The following PCLO variants were observed in gnomAD, a reference collection of about 807,000 sequenced individuals.
The protein encoded by PCLO is piccolo presynaptic cytomatrix protein, also known as protein piccolo.
PCLO carries 82 observed loss-of-function variants against 427.5 expected under a neutral mutation model. The observed-to-expected ratio is 0.19, with a 90% CI of 0.16 to 0.23. PCLO has a LOEUF of 0.23. Ranked by LOEUF, PCLO falls within the 10% of genes least tolerant of loss-of-function variation. The pLI, the probability that PCLO is intolerant of heterozygous loss-of-function variation, is 1.00. For synonymous variants in PCLO, 2,357 were observed against 2,155.4 expected (o/e 1.09, Z -2.59); for missense variants, 6,239 against 6,115.9 (o/e 1.02, Z -0.67).
chr7:82,823,229 T>C (rs1281532210), intron 19 of PCLO, among the ~76,000 whole-genome samples: 2 of 152,280 alleles, frequency 1.3e-5, no homozygotes, highest in East Asian at 1.9e-4. Context: ...AACCCATAAA[T>C]GATCTATAAA....
intron 6 of PCLO, among the ~76,000 whole-genome samples, chr7:82,932,592 G>C (rs933017988): frequency 3.3e-5 from 5 of 152,204 alleles, no homozygotes; most frequent in African/African-American, 4.8e-5. Flanking sequence ...ACATGAAGGA[G>C]AAGTAATAAT....
intron 3 of PCLO, among the ~76,000 whole-genome samples, chr7:82,980,257 C>T: frequency 6.6e-6 from 1 of 152,120 alleles, no homozygotes; most frequent in East Asian, 1.9e-4. Flanking sequence ...AGAGGAAAGT[C>T]TTGACAGAAA....
At chr7:83,080,994 A>C (rs1583996031) in intron 3 of PCLO, among the ~76,000 whole-genome samples, 1 of 152,016 alleles carries the variant, frequency 6.6e-6, no homozygotes, top group East Asian at 1.9e-4. Flanking sequence ...TGTCTCTCAA[A>C]ATATTGTATT....
At chr7:83,050,358 T>G (rs1420231707) in intron 3 of PCLO, among the ~76,000 whole-genome samples, 1 of 151,058 alleles carries the variant, frequency 6.6e-6, no homozygotes, top group Non-Finnish European at 1.5e-5. Flanking sequence ...CTCAGCAATG[T>G]AAGTTATTAG....
rs761705265 is a variant in PCLO at position 82,909,047 on chromosome 7, C to T, written c.13301-34G>A. 4.7e-5 allele frequency: 76 copies of T among 1,607,254 alleles called. 1 individual carries two copies. The highest frequency in any genetic ancestry group is 9.4e-5 in the African/African-American group (7 of 74,748). On this transcript the variant is annotated intron_variant, in intron 7 of 24. Transcript: ENST00000333891. ...ACCAAGGAAACATCATACATTGCAA[C>T]GGCAAGTAATACAGATGATTGAGGG... is the stretch of plus-strand genomic sequence containing the variant.
intron 3 of PCLO, among the ~76,000 whole-genome samples, chr7:83,093,841 ATTTG>A (rs1425058088): frequency 7.0e-4 from 79 of 112,620 alleles, no homozygotes; most frequent in Non-Finnish European, 1.3e-3. Flanking sequence ...TTGTTTACTG[ATTTG>A]TTTTTTTTTT....
chr7:82,923,284 T>C (rs1794639221), intron 6 of PCLO, among the ~76,000 whole-genome samples: 1 of 151,948 alleles, frequency 6.6e-6, no homozygotes, highest in South Asian at 2.1e-4. Flanking sequence ...TGAAGGATAA[T>C]CTGGTTTCAT....
intron 3 of PCLO, among the ~76,000 whole-genome samples, chr7:83,091,843 T>A (rs10275874): frequency 0.015 from 2,324 of 152,278 alleles, 63 homozygotes; most frequent in African/African-American, 0.051. Context: ...CTATTTGCCA[T>A]ATGAAACAAA....
chr7:83,025,873 GAAATA>G (rs1161674542), intron 3 of PCLO, among the ~76,000 whole-genome samples: 1 of 151,906 alleles, frequency 6.6e-6, no homozygotes, highest in Non-Finnish European at 1.5e-5. Context: ...AAGTGAAGGA[GAAATA>G]AAATACTTTA....
intron 2 of PCLO, among the ~76,000 whole-genome samples, chr7:83,143,892 T>C (rs1376687004): frequency 2.6e-5 from 4 of 152,216 alleles, no homozygotes; most frequent in Non-Finnish European, 4.4e-5. Flanking sequence ...TTGCAGCTTG[T>C]GATCCAAGGG....
At chr7:83,114,164 A>G (rs1791074312) in intron 3 of PCLO, among the ~76,000 whole-genome samples, 1 of 152,116 alleles carries the variant, frequency 6.6e-6, no homozygotes, top group African/African-American at 2.4e-5. Context: ...CCTTCACTGA[A>G]TAAACATGTA....
At chr7:82,997,099 C>T (rs1787639094) in intron 3 of PCLO, among the ~76,000 whole-genome samples, 1 of 151,802 alleles carries the variant, frequency 6.6e-6, no homozygotes, top group Non-Finnish European at 1.5e-5. Flanking sequence ...AGATCAAACA[C>T]GTTTGGGTCA....
In PCLO at chr7:83,075,731, T is replaced by C. The variant is rs556324065; in HGVS notation, c.3300+58519A>G. On this transcript the variant is annotated intron_variant, in intron 3 of 24. Transcript: ENST00000333891. ...AATTACTCATATGTATATACACACA[T>C]ACACACACATATAAATACCTTGATT... is the stretch of plus-strand genomic sequence containing the variant. Among the ~76,000 whole-genome samples, 33 of 152,258 alleles carry C rather than the reference T, an allele frequency of 2.2e-4. 1 individual carries two copies. In the South Asian group the frequency reaches 6.2e-3, roughly 29 times the overall value.
chr7:83,152,132 T>C (rs1404608849), intron 2 of PCLO, among the ~76,000 whole-genome samples: 3 of 151,420 alleles, frequency 2.0e-5, no homozygotes, highest in East Asian at 3.9e-4. Context: ...GCCCGGCTAA[T>C]TTTTTGTATT....
In PCLO at chr7:82,822,541, G is replaced by C; in HGVS notation, c.14745C>G (p.Ala4915=). ...GCACGGCAGCTTCGGCAGCAGCTAT[G>C]GCAGCCCCTGCATCTTCCAGGTGGG... ...TQTHLEDAGA[A]IAAAEAAVQQ... The change falls in exon 20 of 25, where the codon GCC becomes GCG. Residue 4915 remains alanine, a synonymous_variant. Coordinates refer to ENST00000333891, the MANE Select transcript of PCLO (RefSeq NM_033026.6). 6.2e-7 allele frequency: 1 copy of C among 1,613,870 alleles called. No homozygotes were observed. The highest frequency in any genetic ancestry group is 1.1e-5 in the South Asian group (1 of 91,082).
chr7:82,857,908 A>G (rs759262656), intron 10 of PCLO, among the ~76,000 whole-genome samples: 1 of 152,152 alleles, frequency 6.6e-6, no homozygotes, highest in South Asian at 2.1e-4. Flanking sequence ...TGTTATGTAT[A>G]AAAATGTTAA....
At chr7:82,813,280 GATTAT>G (rs1334399048) in intron 20 of PCLO, among the ~76,000 whole-genome samples, 1 of 151,632 alleles carries the variant, frequency 6.6e-6, no homozygotes, top group Non-Finnish European at 1.5e-5. Context: ...TCTCCAAACA[GATTAT>G]ATTAATGATC....
rs1202098149 is a variant in PCLO, at chr7:82,952,748, C to T, written c.8205G>A (p.Lys2735=). The T allele has an allele frequency of 1.2e-6, 2 of 1,613,380 alleles. No individual in the cohort carries two copies. The highest frequency in any genetic ancestry group is 2.2e-5 in the East Asian group (1 of 44,854). ...ATTTATCAGTTGTTTTAACTTCTAC[C>T]TTTGGTACTGTACGCAAATCAATTA... The part of the protein sequence containing the change: ...GDVIDLRTVP[K]VEVKTTDKCI... The change falls in exon 5 of 25, where the codon AAG becomes AAA. Residue 2735 remains lysine, a synonymous_variant. Coordinates refer to ENST00000333891, the MANE Select transcript of PCLO (RefSeq NM_033026.6).
rs868401020 is a variant in PCLO, at chr7:83,031,364, C to T, written c.3301-64877G>A. 4.6e-5 allele frequency among the ~76,000 whole-genome samples: 7 copies of T among 152,112 alleles called. No individual in the cohort carries two copies. The South Asian group carries it at 1.2e-3, about 27-fold the overall frequency. ...TGGAAATGTATGTTTTACTACAAGA[C>T]TGAAACGATCTGGAGTCCATAAAAA... On this transcript the variant is annotated intron_variant, in intron 3 of 24. Coordinates refer to ENST00000333891, the MANE Select transcript of PCLO (RefSeq NM_033026.6).
Sources: allele counts gnomAD v4.1 joint callset (sites outside exome capture counted in the v4.1 genomes callset), GRCh38; gene constraint gnomAD v4.1.1; transcripts MANE v1.5; gene names NCBI Gene and HGNC (gene_info 2026-07-23, HGNC 2026-07-21).